GPR158: variants seen among roughly 807,000 people sequenced by gnomAD.
GPR158 encodes metabotropic glycine receptor.
Under a neutral mutation model 78.2 loss-of-function variants are expected in GPR158, and 30 were observed. The ratio of observed to expected loss-of-function variants is 0.38; its 90% CI spans 0.29 to 0.52. The LOEUF (loss-of-function observed/expected upper bound fraction) is 0.52. Among genes scored for constraint, GPR158 ranks in the 20% least tolerant of loss-of-function variants. The pLI is 0.83. For synonymous variants in GPR158, 581 were observed against 591.1 expected (o/e 0.98, Z 0.25); for missense variants, 1,463 against 1,523.5 (o/e 0.96, Z 0.66).
At chr10:25,480,745 TA>T (rs1267653853) in intron 5 of GPR158, among the ~76,000 whole-genome samples, 1 of 152,210 alleles carries the variant, frequency 6.6e-6, no homozygotes, top group Non-Finnish European at 1.5e-5. Context: ...ACTGGACACT[TA>T]GGTTGTTTTC....
In GPR158 at chr10:25,551,067, T is replaced by C. The variant is rs1401601169; in HGVS notation, c.1496T>C (p.Val499Ala). The change falls in exon 6 of 11, where the codon GTC (valine) becomes GCC (alanine). Residue 499 changes from valine (V) to alanine (A), a missense_variant. Coordinates refer to ENST00000376351, the MANE Select transcript of GPR158 (RefSeq NM_020752.3). ...GGTTTTGCTACTGTTTACGGAACTG[T>C]CACTCTCAAACTTCACAGGTATATA... The part of the protein sequence containing the change: ...LLGFATVYGT[V>A]TLKLHRVLKV... 1 of 1,581,310 alleles carries C rather than the reference T, an allele frequency of 6.3e-7. No individual in the cohort carries two copies. Among genetic ancestry groups the C allele is most frequent in the Admixed American group, 1.7e-5 (1 of 59,946 alleles).
rs570327473 is a variant in GPR158 at position 25,264,010 on chromosome 10, G to C, written c.1008+42853G>C. Among the ~76,000 whole-genome samples, 23 of 152,132 alleles carry C rather than the reference G, an allele frequency of 1.5e-4. No homozygotes were observed. In the South Asian group the frequency reaches 4.6e-3, roughly 30 times the overall value. On this transcript the variant is annotated intron_variant, in intron 2 of 10. Transcript: ENST00000376351. ...TATCCTTTGGAGACTTTTTTTATTG[G>C]ATCTTTAGGGGCTTGTCTTCAAGAA...
chr10:25,395,445 A>G (rs1266171740), intron 2 of GPR158, among the ~76,000 whole-genome samples: 3 of 152,126 alleles, frequency 2.0e-5, no homozygotes, highest in African/African-American at 2.4e-5. Flanking sequence ...TTTGATGACT[A>G]TTTAATTCAT....
chr10:25,425,455 A>G (rs1015266949), intron 4 of GPR158, among the ~76,000 whole-genome samples: 5 of 152,058 alleles, frequency 3.3e-5, no homozygotes, highest in African/African-American at 1.2e-4. Flanking sequence ...TCATATGTTC[A>G]TCGGCCATTT....
At chr10:25,562,560 T>TGG (rs1836873409) in intron 6 of GPR158, among the ~76,000 whole-genome samples, 1 of 152,238 alleles carries the variant, frequency 6.6e-6, no homozygotes, top group Non-Finnish European at 1.5e-5. Flanking sequence ...TTTTGTTTAA[T>TGG]GTTTACTTAT....
At chr10:25,338,514 A>AATATACGTATATTACGTATATTAT (rs1855254775) in intron 2 of GPR158, among the ~76,000 whole-genome samples, 5 of 120,064 alleles carry the variant, frequency 4.2e-5, no homozygotes, top group South Asian at 2.6e-4. Flanking sequence ...TATTACGTAT[A>AATATACGTATATTACGTATATTAT]ATATACGTAT....
intron 7 of GPR158, among the ~76,000 whole-genome samples, chr10:25,583,199 A>T (rs1169248082): frequency 3.3e-5 from 5 of 152,074 alleles, no homozygotes; most frequent in African/African-American, 7.2e-5. Context: ...TGTGAAATGC[A>T]CTGTAACTTG....
At chr10:25,312,865 C>T (rs1854786045) in intron 2 of GPR158, among the ~76,000 whole-genome samples, 1 of 151,966 alleles carries the variant, frequency 6.6e-6, no homozygotes. Context: ...ATGCCATTGC[C>T]TTGATTAATG....
chr10:25,561,265 A>T (rs914504286), intron 6 of GPR158, among the ~76,000 whole-genome samples: 3 of 152,120 alleles, frequency 2.0e-5, no homozygotes, highest in African/African-American at 7.3e-5. Context: ...CATTACATTT[A>T]AAAAAATAAT....
At chr10:25,177,865 T>A (rs183625810) in intron 1 of GPR158, among the ~76,000 whole-genome samples, 90 of 152,330 alleles carry the variant, frequency 5.9e-4, no homozygotes, top group African/African-American at 2.1e-3. Context: ...CCAGACTAAC[T>A]CTTTTCTACT....
chr10:25,262,655 C>A (rs1234429450), intron 2 of GPR158, among the ~76,000 whole-genome samples: 2 of 152,056 alleles, frequency 1.3e-5, no homozygotes, highest in Non-Finnish European at 2.9e-5. Flanking sequence ...CATGTGGAAC[C>A]TCCCCCACTG....
intron 1 of GPR158, among the ~76,000 whole-genome samples, chr10:25,187,090 G>A (rs895122749): frequency 2.0e-5 from 3 of 150,116 alleles, no homozygotes; most frequent in Non-Finnish European, 4.4e-5. Flanking sequence ...TCAGCCTCCC[G>A]AGTATCTAGG....
chr10:25,507,601 G>C (rs1564474222), intron 5 of GPR158, among the ~76,000 whole-genome samples: 1 of 152,110 alleles, frequency 6.6e-6, no homozygotes, highest in South Asian at 2.1e-4. Flanking sequence ...TAAAAGCCAA[G>C]CTATATATCA....
intron 5 of GPR158, among the ~76,000 whole-genome samples, chr10:25,525,195 G>A (rs1181596682): frequency 6.6e-6 from 1 of 152,146 alleles, no homozygotes; most frequent in Non-Finnish European, 1.5e-5. Flanking sequence ...GTAAAATGGT[G>A]CAGTCACTCT....
chr10:25,499,486 G>A (rs1835926506), intron 5 of GPR158, among the ~76,000 whole-genome samples: 1 of 152,160 alleles, frequency 6.6e-6, no homozygotes, highest in African/African-American at 2.4e-5. Flanking sequence ...CCTTGCCTTT[G>A]TGTATTTCCT....
At chr10:25,181,988 G>A (rs115707641) in intron 1 of GPR158, among the ~76,000 whole-genome samples, 154 of 152,172 alleles carry the variant, frequency 1.0e-3, no homozygotes, top group African/African-American at 3.6e-3. Flanking sequence ...AAAGTGTTGA[G>A]ATTACAGGTG....
chr10:25,241,365 T>TCTC (rs1853622426), intron 2 of GPR158, among the ~76,000 whole-genome samples: 3 of 126,522 alleles, frequency 2.4e-5, no homozygotes, highest in African/African-American at 1.1e-4. Flanking sequence ...CTTTTCTCTT[T>TCTC]TCTTTTCTCT....
chr10:25,351,516 GTTCTGAGGCT>G (rs576626356), intron 2 of GPR158, among the ~76,000 whole-genome samples: 4 of 151,970 alleles, frequency 2.6e-5, no homozygotes, highest in Non-Finnish European at 4.4e-5. Flanking sequence ...AATGTGAGAG[GTTCTGAGGCT>G]TCCTAGTTGG....
At chr10:25,538,433 A>C (rs980006457) in intron 5 of GPR158, among the ~76,000 whole-genome samples, 1 of 152,148 alleles carries the variant, frequency 6.6e-6, no homozygotes, top group Admixed American at 6.6e-5. Flanking sequence ...GTGTGCTTTC[A>C]TTTCTCTGTG....
Sources: gnomAD v4.1 joint callset for allele counts (sites outside exome capture counted in the v4.1 genomes callset) on GRCh38, gnomAD v4.1.1 for gene constraint, MANE v1.5 for transcripts, NCBI Gene and HGNC (gene_info 2026-07-23, HGNC 2026-07-21) for gene names.